The following USP40 variants were observed in gnomAD, a reference collection of about 807,000 sequenced individuals.
USP40 encodes the protein ubiquitin carboxyl-terminal hydrolase 40.
A neutral mutation model predicts 166.2 loss-of-function variants in USP40; 143 were observed. That is an observed-to-expected ratio of 0.86 (90% CI 0.75 to 0.99). The LOEUF is 0.99. Ranked by LOEUF, USP40 falls within the 50% of genes least tolerant of loss-of-function variation. USP40 has a pLI of 0.00. For missense variants in USP40, 1,444 were observed against 1,479.7 expected, an observed-to-expected ratio of 0.98 and a Z score of 0.40; for synonymous variants, 498 against 524.0, an observed-to-expected ratio of 0.95 and a Z score of 0.68.
chr2:233,500,846 T>C (rs1035675479), intron 21 of USP40, among the ~76,000 whole-genome samples: 2 of 152,190 alleles, frequency 1.3e-5, no homozygotes, highest in Non-Finnish European at 2.9e-5. Flanking sequence ...TATAGACACA[T>C]GCTGGTATAG....
intron 21 of USP40, 110 bp downstream of exon 21, chr2:233,509,939 A>T (rs1248245219): frequency 2.6e-6 from 2 of 783,578 alleles, no homozygotes; most frequent in African/African-American, 1.7e-5. Context: ...GAAGTACACC[A>T]TATCAGGCCT....
At chr2:233,543,066 T>C (rs1343286535) in intron 8 of USP40, among the ~76,000 whole-genome samples, 1 of 152,224 alleles carries the variant, frequency 6.6e-6, no homozygotes, top group African/African-American at 2.4e-5. Flanking sequence ...CTCCTTTCTA[T>C]TTCCTGACCA....
intron 25 of USP40, 120 bp from the exon 26 acceptor site, chr2:233,491,381 G>C (rs572936667): frequency 7.8e-6 from 6 of 769,020 alleles, no homozygotes; most frequent in Non-Finnish European, 1.3e-5. Context: ...AAGAGCCTCT[G>C]CATCCAAGTC....
At chr2:233,528,140 G>A (rs1178126790) in intron 12 of USP40, among the ~76,000 whole-genome samples, 2 of 151,996 alleles carry the variant, frequency 1.3e-5, no homozygotes, top group Non-Finnish European at 2.9e-5. Flanking sequence ...CACCATGCCT[G>A]GCTAATTTTT....
intron 25 of USP40, among the ~76,000 whole-genome samples, chr2:233,492,440 C>T (rs1237289100): frequency 6.6e-6 from 1 of 152,172 alleles, no homozygotes; most frequent in African/African-American, 2.4e-5. Context: ...AAAAAAGAAC[C>T]TTTTATTTAC....
Position 233,485,852 on chromosome 2 carries a change from G to C in USP40, c.3323C>G (p.Ala1108Gly), listed in dbSNP as rs1309424047. 3 of 1,609,866 alleles carry C rather than the reference G, an allele frequency of 1.9e-6. No individual in the cohort carries two copies. Among genetic ancestry groups the C allele is most frequent in the Non-Finnish European group, 2.5e-6 (3 of 1,178,444 alleles). Residue 1108 changes from alanine (A) to glycine (G), a missense_variant, in exon 29 of 32, where the codon GCC becomes GGC. Coordinates refer to ENST00000678225, the MANE Select transcript of USP40 (RefSeq NM_001365479.2). ...GTAGSLRQRVADFYRLPVEKI... is the reference protein window; with the variant it reads ...GTAGSLRQRVGDFYRLPVEKI... ...CTCCACGGGAAGACGATAGAAATCG[G>C]CAACTCTCTGCCTCAGGGAGCCGGC...
Position 233,498,416 on chromosome 2 carries a change from T to C in USP40, c.2715+132A>G, listed in dbSNP as rs1186264420. On this transcript the variant is annotated intron_variant, in intron 23 of 31. Transcript: ENST00000678225. ...AAACTATAGTAAGAAAAAAGTAAAA[T>C]AGACCCATTCATAGATATTTGTATC... 3.9e-6 allele frequency: 3 copies of C among 778,316 alleles called. No homozygotes were observed. The East Asian group carries it at 8.3e-5, about 22-fold the overall frequency. The allele number at this position is 778,316 out of a possible 1,614,324, so 48.2% of individuals were successfully genotyped here. A position where few individuals can be genotyped will look rare whatever the true frequency, so the allele number is the denominator to read the frequency against.
chr2:233,517,476 C>T (rs937593536), intron 18 of USP40, among the ~76,000 whole-genome samples: 1 of 149,788 alleles, frequency 6.7e-6, no homozygotes, highest in Non-Finnish European at 1.5e-5. Context: ...GCTCTGCCTC[C>T]CGGGTTCACG....
At chr2:233,521,360 G>C (rs557625634) in intron 16 of USP40, among the ~76,000 whole-genome samples, 3 of 152,288 alleles carry the variant, frequency 2.0e-5, no homozygotes, top group Admixed American at 6.5e-5. Context: ...GAGAACTTCT[G>C]TAAGTAAACA....
chr2:233,508,524 G>C (rs1035762318), intron 21 of USP40, among the ~76,000 whole-genome samples: 1 of 152,088 alleles, frequency 6.6e-6, no homozygotes, highest in Admixed American at 6.5e-5. Flanking sequence ...CCAGTTGTTT[G>C]GTTTTTTGCA....
chr2:233,507,703 G>A (rs1398504094), intron 21 of USP40, among the ~76,000 whole-genome samples: 1 of 151,802 alleles, frequency 6.6e-6, no homozygotes, highest in African/African-American at 2.4e-5. Context: ...GTAAGGGGAG[G>A]ATGGGAGAGG....
Position 233,493,041 on chromosome 2 carries a change from C to G in USP40, c.2917+384G>C. ...GATTGGAAGACATGTAGGATGTGGA[C>G]TCCTGGTCTCTGCCCCTGTGGGCTA... On this transcript the variant is annotated intron_variant, in intron 25 of 31. Coordinates refer to ENST00000678225, the MANE Select transcript of USP40 (RefSeq NM_001365479.2). This position sits in a 1 kb window ranked among gnomAD's most constrained non-coding sequence, Gnocchi z 4.7. 1 of 260,886 alleles carries G rather than the reference C, an allele frequency of 3.8e-6. No homozygotes were observed. The highest frequency in any genetic ancestry group is 7.4e-5 in the East Asian group (1 of 13,456). 16.2% of individuals were successfully genotyped at this position (260,886 alleles called of 1,614,324 possible).
At chr2:233,531,986 T>C (rs1248632782) in intron 11 of USP40, among the ~76,000 whole-genome samples, 2 of 152,160 alleles carry the variant, frequency 1.3e-5, no homozygotes, top group African/African-American at 2.4e-5. Flanking sequence ...ACCCTAACTT[T>C]CCATTCCTAA....
Position 233,560,012 on chromosome 2 carries a change from T to C in USP40, c.268-88A>G. 7 of 781,372 alleles carry C rather than the reference T, an allele frequency of 9.0e-6. No individual in the cohort carries two copies. The East Asian group carries it at 1.5e-4, about 16-fold the overall frequency. 48.4% of individuals were successfully genotyped at this position (781,372 alleles called of 1,614,324 possible). A position where few individuals can be genotyped will look rare whatever the true frequency, so the allele number is the denominator to read the frequency against. ...ACAACTGCATACTAGCTTTTTTATA[T>C]CTCCCAGTTCATTCAGGAGAAAGTT... On this transcript the variant is annotated intron_variant, in intron 3 of 31. Coordinates refer to ENST00000678225, the MANE Select transcript of USP40 (RefSeq NM_001365479.2).
intron 6 of USP40, among the ~76,000 whole-genome samples, chr2:233,553,061 T>TGTTGGCCATAGGTACA (rs1553577806): frequency 6.6e-6 from 1 of 151,884 alleles, no homozygotes; most frequent in African/African-American, 2.4e-5. Context: ...GTTGATGCCA[T>TGTTGGCCATAGGTACA]AGAAGCTGAG....
At position 233,527,463 on chromosome 2, in the gene USP40, C is replaced by G. The variant is rs762824317; in HGVS notation, c.1669G>C (p.Asp557His). The G allele has an allele frequency of 1.2e-6, 2 of 1,613,742 alleles. No homozygotes were observed. The highest frequency in any genetic ancestry group is 3.3e-5 in the Admixed American group (2 of 60,002). ...PVVSQTESVW[D>H]LTFDKRKTLG... ...GTTTTTCTTTTATCAAAGGTCAAAT[C>G]CCACACGCTTTCTGTTTGAGAGACT... Residue 557 changes from aspartate (D) to histidine (H), a missense_variant, in exon 13 of 32, where the codon GAT becomes CAT. Coordinates refer to ENST00000678225, the MANE Select transcript of USP40 (RefSeq NM_001365479.2).
In USP40 at chr2:233,523,489, C is replaced by G. The variant is rs1310619110; in HGVS notation, c.1882G>C (p.Val628Leu). ...CCAGTTTGAATGTGGACTCCACCAA[C>G]CTGCAATCATACCAAGACAACCATT... ...EDIFVWNGVEVGGVHIQTGID... is the reference protein window; with the variant it reads ...EDIFVWNGVELGGVHIQTGID... Residue 628 changes from valine (V) to leucine (L), a missense_variant and splice_region_variant, in exon 16 of 32, where the codon GTT (valine) becomes CTT (leucine). Val to Leu is a conservative substitution (Grantham distance 32, BLOSUM62 1). Coordinates refer to ENST00000678225, the MANE Select transcript of USP40 (RefSeq NM_001365479.2). 6.2e-7 allele frequency: 1 copy of G among 1,610,812 alleles called. No individual in the cohort carries two copies. Among genetic ancestry groups the G allele is most frequent in the Non-Finnish European group, 8.5e-7 (1 of 1,177,924 alleles).
intron 10 of USP40, among the ~76,000 whole-genome samples, chr2:233,537,836 T>C (rs963948433): frequency 1.3e-5 from 2 of 152,168 alleles, no homozygotes; most frequent in Non-Finnish European, 2.9e-5. Context: ...TGAAGGGAAA[T>C]GATATTAAAT....
In USP40 at chr2:233,480,499, G is replaced by A. The variant is rs1441826038; in HGVS notation, c.3599+704C>T. Among the ~76,000 whole-genome samples the A allele has an allele frequency of 1.3e-5, 2 of 152,252 alleles. No individual in the cohort carries two copies. The highest frequency in any genetic ancestry group is 2.9e-5 in the Non-Finnish European group (2 of 68,046). ...TGAGCCTCACGCCCCAGTTCCGGGT[G>A]TGTGGCCTGGAGGCCTGAAGACAGC... is the stretch of plus-strand genomic sequence containing the variant. On this transcript the variant is annotated intron_variant, in intron 31 of 31. Transcript: ENST00000678225. This position sits in a 1 kb window ranked among gnomAD's most constrained non-coding sequence, Gnocchi z 4.5.
Sources: allele counts gnomAD v4.1 joint callset (sites outside exome capture counted in the v4.1 genomes callset), GRCh38; gene constraint gnomAD v4.1.1; non-coding constraint Gnocchi (gnomAD v3.1); transcripts MANE v1.5; gene names NCBI Gene and HGNC (gene_info 2026-07-23, HGNC 2026-07-21).